ZNF98: variants seen among roughly 807,000 people sequenced by gnomAD.
ZNF98 encodes zinc finger protein 739.
Under a neutral mutation model 12.8 loss-of-function variants are expected in ZNF98, and 8 were observed. The ratio of observed to expected loss-of-function variants is 0.63; its 90% CI spans 0.37 to 1.13. The LOEUF (loss-of-function observed/expected upper bound fraction) is 1.13. Ranked by LOEUF, ZNF98 falls within the 50% of genes most tolerant of loss-of-function variation. The pLI is 0.01. For missense variants in ZNF98, 379 were observed against 666.1 expected, an observed-to-expected ratio of 0.57 and a Z score of 4.74; for synonymous variants, 112 against 223.5, an observed-to-expected ratio of 0.50 and a Z score of 4.45.
intron 3 of ZNF98, among the ~76,000 whole-genome samples, chr19:22,395,312 T>C (rs1295886189): frequency 7.2e-5 from 11 of 151,944 alleles, no homozygotes. Context: ...AGATAATTGT[T>C]TTCAGACTAT....
chr19:22,400,145 C>T (rs1311607896), intron 3 of ZNF98, among the ~76,000 whole-genome samples: 2 of 152,124 alleles, frequency 1.3e-5, no homozygotes, highest in African/African-American at 4.8e-5. Context: ...AAACTCCTCC[C>T]AGCCACAGTC....
intron 1 of ZNF98, among the ~76,000 whole-genome samples, chr19:22,405,512 C>G (rs1389479821): frequency 1.3e-5 from 2 of 152,116 alleles, no homozygotes; most frequent in African/African-American, 2.4e-5. Context: ...CCCCACCCCC[C>G]AGCCAAGAGA....
At chr19:22,408,811 C>T (rs1182982841) in intron 1 of ZNF98, among the ~76,000 whole-genome samples, 2 of 152,074 alleles carry the variant, frequency 1.3e-5, no homozygotes, top group African/African-American at 2.4e-5. Context: ...GGAAAAACAT[C>T]CCATCCTTAT....
chr19:22,400,126 A>C (rs568844802), intron 3 of ZNF98, among the ~76,000 whole-genome samples: 51 of 152,226 alleles, frequency 3.4e-4, no homozygotes, highest in African/African-American at 1.2e-3. Context: ...CTTACCCTGC[A>C]ATCATCCCAA....
chr19:22,422,296 A>G lies in ZNF98; in HGVS notation c.-72T>C. 1.7e-5 allele frequency: 27 copies of G among 1,580,334 alleles called. No homozygotes were observed. Among genetic ancestry groups the G allele is most frequent in the Non-Finnish European group, 2.2e-5 (25 of 1,151,908 alleles). ...CTGGGCCTCTACGAGCAGAGGACAC[A>G]GAAGGGCGAAGACGAGACCAGGAAC... is the stretch of plus-strand genomic sequence containing the variant. On this transcript the variant is annotated 5_prime_UTR_variant, in exon 1 of 4. Coordinates refer to ENST00000357774, the MANE Select transcript of ZNF98 (RefSeq NM_001098626.2).
chr19:22,394,001 C>T (rs1969362356), intron 3 of ZNF98, among the ~76,000 whole-genome samples: 1 of 148,906 alleles, frequency 6.7e-6, no homozygotes, highest in South Asian at 2.2e-4. Flanking sequence ...AAAAAACTAA[C>T]AACCCCATCA....
intron 1 of ZNF98, among the ~76,000 whole-genome samples, chr19:22,418,603 G>A (rs1969670715): frequency 6.6e-6 from 1 of 152,206 alleles, no homozygotes; most frequent in African/African-American, 2.4e-5. Context: ...AGCTGGCTGG[G>A]AGCAGTGGCT....
chr19:22,403,533 C>A, intron 1 of ZNF98, 21 bp from the exon 2 acceptor site: 2 of 1,576,780 alleles, frequency 1.3e-6, no homozygotes, highest in Non-Finnish European at 1.7e-6. Context: ...TACAAACACA[C>A]ATACATATTT....
Position 22,422,153 on chromosome 19 carries a change from G to A in ZNF98, c.30+42C>T, listed in dbSNP as rs892146796. ...AGCCTCTTCCCACCGGTTCCAACCA[G>A]CCCCTTCTCCTCTCTAGGGATGTCG... On this transcript the variant is annotated intron_variant, in intron 1 of 3. Transcript: ENST00000357774. The A allele has an allele frequency of 1.4e-5, 23 of 1,611,932 alleles. 1 individual carries two copies. Among genetic ancestry groups the A allele is most frequent in the Non-Finnish European group, 2.0e-5 (23 of 1,178,584 alleles).
intron 1 of ZNF98, among the ~76,000 whole-genome samples, chr19:22,406,265 G>A (rs1969517597): frequency 1.3e-5 from 2 of 151,994 alleles, no homozygotes; most frequent in Non-Finnish European, 2.9e-5. Context: ...CCAGAGGAAG[G>A]AGAAGGCAAC....
At chr19:22,416,483 A>T (rs547431578) in intron 1 of ZNF98, among the ~76,000 whole-genome samples, 1 of 151,670 alleles carries the variant, frequency 6.6e-6, no homozygotes, top group African/African-American at 2.4e-5. Flanking sequence ...ACAACAACAA[A>T]AAAGTATGGT....
intron 3 of ZNF98, among the ~76,000 whole-genome samples, chr19:22,393,762 G>A (rs1969359653): frequency 6.6e-6 from 1 of 152,080 alleles, no homozygotes. Flanking sequence ...TACCATTCAG[G>A]ACACAGGTAT....
chr19:22,419,605 T>C (rs987313022), intron 1 of ZNF98, among the ~76,000 whole-genome samples: 8 of 152,198 alleles, frequency 5.3e-5, no homozygotes, highest in Non-Finnish European at 8.8e-5. Context: ...ACAATGTTCA[T>C]ATAAGGGGAT....
rs1969336350 is a variant in ZNF98, at chr19:22,392,285, G to A, written c.950C>T (p.Ala317Val). ...STLTAHKIIH[A>V]GEKPYKCEEC... ...TTCACATTTGTAAGGTTTCTCTCCA[G>A]CATGAATTATCTTATGTGCAGTAAG... The change falls in exon 4 of 4, where the codon GCT (alanine) becomes GTT (valine). Residue 317 changes from alanine to valine, a missense_variant. Around this residue, in one of 8 missense-constraint regions of ZNF98, gnomAD observed 9 missense variants for 94.5 expected, o/e 0.10. Coordinates refer to ENST00000357774, the MANE Select transcript of ZNF98 (RefSeq NM_001098626.2). The A allele has an allele frequency of 6.4e-7, 1 of 1,565,572 alleles. No homozygotes were observed. Among genetic ancestry groups the A allele is most frequent in the African/African-American group, 1.4e-5 (1 of 69,908 alleles).
chr19:22,404,953 A>C (rs1969503163), intron 1 of ZNF98, among the ~76,000 whole-genome samples: 1 of 152,148 alleles, frequency 6.6e-6, no homozygotes, highest in East Asian at 1.9e-4. Flanking sequence ...GCTTTTCCCC[A>C]ATAGGAATAT....
At chr19:22,394,442 T>C (rs1230472109) in intron 3 of ZNF98, among the ~76,000 whole-genome samples, 2 of 152,154 alleles carry the variant, frequency 1.3e-5, no homozygotes, top group Non-Finnish European at 2.9e-5. Context: ...AACCCAAATG[T>C]CCATCAATGA....
At chr19:22,413,292 C>A (rs1365064774) in intron 1 of ZNF98, among the ~76,000 whole-genome samples, 2 of 152,012 alleles carry the variant, frequency 1.3e-5, no homozygotes, top group Non-Finnish European at 2.9e-5. Context: ...GAGAGGATGT[C>A]AAAACCTATT....
chr19:22,416,680 A>G (rs1165810552), intron 1 of ZNF98, among the ~76,000 whole-genome samples: 2 of 151,706 alleles, frequency 1.3e-5, no homozygotes, highest in Non-Finnish European at 2.9e-5. Context: ...TGAACCCAGG[A>G]GGCGAAGGTT....
At chr19:22,414,886 T>C (rs1265439494) in intron 1 of ZNF98, among the ~76,000 whole-genome samples, 1 of 152,164 alleles carries the variant, frequency 6.6e-6, no homozygotes, top group Non-Finnish European at 1.5e-5. Context: ...AAATGGAACC[T>C]AATTAAGCTA....
Sources: allele counts gnomAD v4.1 joint callset (sites outside exome capture counted in the v4.1 genomes callset), GRCh38; gene constraint gnomAD v4.1.1; regional missense constraint gnomAD v4.1.1; transcripts MANE v1.5; gene names NCBI Gene and HGNC (gene_info 2026-07-23, HGNC 2026-07-21).